CCDC33: variants seen among roughly 807,000 people sequenced by gnomAD.
CCDC33 encodes coiled-coil domain-containing protein 33.
Under a neutral mutation model 91.9 loss-of-function variants are expected in CCDC33, and 94 were observed. That is an observed-to-expected ratio of 1.02 (90% CI 0.87 to 1.21). The LOEUF (loss-of-function observed/expected upper bound fraction) is 1.21, where lower values mean the gene tolerates loss of function less well. Among genes scored for constraint, CCDC33 ranks in the 50% most tolerant of loss-of-function variants. The pLI, the probability that CCDC33 is intolerant of heterozygous loss-of-function variation, is 0.00. For missense variants in CCDC33, 940 were observed against 935.5 expected (o/e 1.00, Z -0.06); for synonymous variants, 396 against 374.5 (o/e 1.06, Z -0.66).
chr15:74,291,367 C>G (rs564379563), intron 10 of CCDC33, among the ~76,000 whole-genome samples: 2 of 152,376 alleles, frequency 1.3e-5, no homozygotes, highest in African/African-American at 4.8e-5. Flanking sequence ...GCGAGACACC[C>G]TTATCAGGGA....
rs2074503093 is a variant in CCDC33, at chr15:74,218,425, C to T, written c.311-72C>T. On this transcript the variant is annotated intron_variant, in intron 1 of 2. Coordinates refer to the CCDC33 transcript ENST00000635913. The surrounding 1 kb of genome is among the most constrained non-coding windows in gnomAD (Gnocchi z 4.8). ...AGCCCAGGTTTCCCCAGGGCCCTGCCTGTCCTCCTAGTCACCTGGCAGATG... is the reference window on the plus strand; with the variant it reads ...AGCCCAGGTTTCCCCAGGGCCCTGCTTGTCCTCCTAGTCACCTGGCAGATG... 8.2e-7 allele frequency: 1 copy of T among 1,220,912 alleles called. No individual in the cohort carries two copies. Among genetic ancestry groups the T allele is most frequent in the African/African-American group, 1.6e-5 (1 of 64,036 alleles). The allele number at this position is 1,220,912 out of a possible 1,614,324, so 75.6% of individuals were successfully genotyped here. A position where few individuals can be genotyped will look rare whatever the true frequency, so the allele number is the denominator to read the frequency against.
rs369199617 is a variant in CCDC33, at chr15:74,256,976, A to G, written c.186-5464A>G. Among the ~76,000 whole-genome samples, 23 of 152,184 alleles carry G rather than the reference A, an allele frequency of 1.5e-4. 1 individual carries two copies. Among genetic ancestry groups the G allele is most frequent in the East Asian group, 3.9e-4 (2 of 5,158 alleles). Reference sequence around the variant, plus strand: ...CTTTGCCTTTGCTAGAGTGCTTCTCAGAGTTTCTCGGAAGGTGCCCTTTCT... The same window carrying G: ...CTTTGCCTTTGCTAGAGTGCTTCTCGGAGTTTCTCGGAAGGTGCCCTTTCT... On this transcript the variant is annotated intron_variant, in intron 2 of 18. Coordinates refer to ENST00000398814, the MANE Select transcript of CCDC33 (RefSeq NM_025055.5).
At chr15:74,223,485 G>A (rs949294367) in intron 2 of CCDC33, among the ~76,000 whole-genome samples, 3 of 151,978 alleles carry the variant, frequency 2.0e-5, no homozygotes, top group Non-Finnish European at 4.4e-5. Context: ...CAGTTTTATG[G>A]GCTTTAGAAA....
rs575018125 is a variant in CCDC33 at position 74,263,978 on chromosome 15, C to T, written c.319+1405C>T. On this transcript the variant is annotated intron_variant, in intron 3 of 18. Coordinates refer to ENST00000398814, the MANE Select transcript of CCDC33 (RefSeq NM_025055.5). The stretch of plus-strand genomic sequence containing the variant: ...TGAGTGGACCTGAGCTGGGATCCTG[C>T]CCTGGGCTCTACATACTTGGGGTAA... Among the ~76,000 whole-genome samples the T allele has an allele frequency of 4.7e-4, 71 of 151,900 alleles. 1 individual carries two copies. The highest frequency in any genetic ancestry group is 7.9e-4 in the Admixed American group (12 of 15,272).
At chr15:74,315,715 G>T (rs1368285029) in intron 11 of CCDC33, among the ~76,000 whole-genome samples, 1 of 152,182 alleles carries the variant, frequency 6.6e-6, no homozygotes, top group Non-Finnish European at 1.5e-5. Context: ...TCCTGTAGGT[G>T]GGGGAACTGC....
chr15:74,209,653 T>G (rs978762022), intron 2 of CCDC33: 1 of 570,436 alleles, frequency 1.8e-6, no homozygotes, highest in Non-Finnish European at 3.1e-6. Context: ...AGTACATGCC[T>G]GCAACCTCCA....
At chr15:74,214,831 C>A (rs762231777), upstream of CCDC33, among the ~76,000 whole-genome samples, 1 of 152,180 alleles carries the variant, frequency 6.6e-6, no homozygotes, top group African/African-American at 2.4e-5. Flanking sequence ...AATGAAATAG[C>A]CAAAAGAACT....
chr15:74,325,531 TG>T (rs1267531631), intron 11 of CCDC33, among the ~76,000 whole-genome samples: 3 of 151,896 alleles, frequency 2.0e-5, no homozygotes, highest in Non-Finnish European at 4.4e-5. Context: ...TTGGTGTAGA[TG>T]GGAGACCATC....
chr15:74,283,234 A>G (rs1405156803), intron 10 of CCDC33, among the ~76,000 whole-genome samples: 1 of 152,212 alleles, frequency 6.6e-6, no homozygotes, highest in Non-Finnish European at 1.5e-5. Flanking sequence ...AAAGGTCACA[A>G]ACTTCCCAGT....
chr15:74,255,359 C>A (rs1379367426), intron 2 of CCDC33, among the ~76,000 whole-genome samples: 1 of 152,248 alleles, frequency 6.6e-6, no homozygotes, highest in African/African-American at 2.4e-5. Context: ...AGCCTGAACA[C>A]AAAGCTGTCT....
chr15:74,228,142 C>T (rs1261473521), intron 2 of CCDC33, among the ~76,000 whole-genome samples: 1 of 152,222 alleles, frequency 6.6e-6, no homozygotes, highest in Non-Finnish European at 1.5e-5. Context: ...GAGAGCACTG[C>T]AGTCCCTGGG....
At chr15:74,228,271 A>G (rs1398619295) in intron 2 of CCDC33, among the ~76,000 whole-genome samples, 2 of 152,140 alleles carry the variant, frequency 1.3e-5, no homozygotes, top group Non-Finnish European at 2.9e-5. Context: ...TCTGGTTTCA[A>G]TCCTTCTCTG....
At position 74,209,397 on chromosome 15, in the gene CCDC33, G is replaced by A. The variant is rs994494829; in HGVS notation, n.99G>A. The A allele has an allele frequency of 1.8e-4, 280 of 1,535,474 alleles. 4 individuals are homozygous for A. In the Admixed American group the frequency reaches 5.5e-3, roughly 30 times the overall value. The stretch of plus-strand genomic sequence containing the variant: ...CATCCATCACTCCCAGGGGGCCACT[G>A]CCTGATGAATTGCCAGAGGGGAACC... On this transcript the variant is annotated non_coding_transcript_exon_variant, in exon 2 of 4. Coordinates refer to the CCDC33 transcript ENST00000558645.
intron 1 of CCDC33, chr15:74,207,866 C>G (rs1280251866): frequency 2.0e-6 from 3 of 1,521,504 alleles, no homozygotes; most frequent in Non-Finnish European, 2.6e-6. Flanking sequence ...CCAAGTCTGA[C>G]TCCACACAGT....
Position 74,297,008 on chromosome 15 carries a change from G to A in CCDC33, c.1290+1060G>A, listed in dbSNP as rs535759741. On this transcript the variant is annotated intron_variant, in intron 11 of 18. Coordinates refer to ENST00000398814, the MANE Select transcript of CCDC33 (RefSeq NM_025055.5). ...GAAGTCCAAGCCATCCTCCTCCCAG[G>A]ACCTGACCTCCTCCACCAACAGCCT... Among the ~76,000 whole-genome samples the A allele has an allele frequency of 2.3e-4, 35 of 152,300 alleles. No individual in the cohort carries two copies. In the Middle Eastern group the frequency reaches 0.021, roughly 89 times the overall value.
At chr15:74,289,759 C>T (rs2059550591) in intron 10 of CCDC33, among the ~76,000 whole-genome samples, 1 of 150,368 alleles carries the variant, frequency 6.7e-6, no homozygotes. Flanking sequence ...TACACCCCAG[C>T]CTGGGCAACA....
chr15:74,264,541 T>C (rs1410247572), intron 3 of CCDC33, among the ~76,000 whole-genome samples: 5 of 152,114 alleles, frequency 3.3e-5, no homozygotes, highest in African/African-American at 1.2e-4. Flanking sequence ...TCGTTCAACC[T>C]TGGCAAATCC....
intron 1 of CCDC33, among the ~76,000 whole-genome samples, chr15:74,205,975 C>T (rs753297658): frequency 4.6e-5 from 7 of 152,208 alleles, no homozygotes; most frequent in Non-Finnish European, 7.3e-5. Context: ...CAGTGGAGAA[C>T]GCCTGGTTGG....
At chr15:74,262,363 G>A (rs2076048475) in intron 2 of CCDC33, 77 bp from the exon 3 acceptor site, 7 of 1,574,530 alleles carry the variant, frequency 4.4e-6, no homozygotes, top group Non-Finnish European at 6.1e-6. Flanking sequence ...CAGATTTATG[G>A]ACAGTGGAGC....
Sources: gnomAD v4.1 joint callset for allele counts (sites outside exome capture counted in the v4.1 genomes callset) on GRCh38, gnomAD v4.1.1 for gene constraint, Gnocchi (gnomAD v3.1) non-coding constraint, MANE v1.5 for transcripts, NCBI Gene and HGNC (gene_info 2026-07-23, HGNC 2026-07-21) for gene names.